ZBTB20: variants seen among roughly 807,000 people sequenced by gnomAD.
The protein encoded by ZBTB20 is zinc finger and BTB domain containing 20.
In ZBTB20, 9 loss-of-function variants were observed where a neutral mutation model predicts 56.9. The ratio of observed to expected loss-of-function variants is 0.16; its 90% CI spans 0.10 to 0.28. The LOEUF is 0.28. ZBTB20 is among the 10% of genes least tolerant of loss of function. The pLI is 1.00. For missense variants in ZBTB20, 655 were observed against 1,003.0 expected (o/e 0.65, Z 4.69); for synonymous variants, 417 against 420.7 (o/e 0.99, Z 0.11).
intron 5 of ZBTB20, among the ~76,000 whole-genome samples, chr3:114,748,569 C>T (rs915669976): frequency 4.6e-5 from 7 of 151,984 alleles, no homozygotes; most frequent in Admixed American, 4.6e-4. Flanking sequence ...TCAGTCCTTG[C>T]TCAAAGCAAA....
At chr3:115,114,299 T>C (rs1282612426) in intron 1 of ZBTB20, among the ~76,000 whole-genome samples, 5 of 152,038 alleles carry the variant, frequency 3.3e-5, no homozygotes, top group Non-Finnish European at 7.4e-5. Context: ...ATAATGGTTG[T>C]CATGGGTGCA....
At chr3:115,002,493 A>C (rs2108219639) in intron 2 of ZBTB20, among the ~76,000 whole-genome samples, 1 of 151,786 alleles carries the variant, frequency 6.6e-6, no homozygotes, top group South Asian at 2.1e-4. Context: ...AAAACTATTA[A>C]AACTCAAGAA....
At chr3:114,426,711 T>A (rs2089704786) in intron 7 of ZBTB20, among the ~76,000 whole-genome samples, 1 of 152,156 alleles carries the variant, frequency 6.6e-6, no homozygotes, top group Admixed American at 6.5e-5. Flanking sequence ...AACTTAAACC[T>A]CACTTATGCC....
intron 1 of ZBTB20, among the ~76,000 whole-genome samples, chr3:115,104,481 A>C (rs1240553156): frequency 6.6e-6 from 1 of 152,238 alleles, no homozygotes; most frequent in African/African-American, 2.4e-5. Flanking sequence ...ATTATGGTAC[A>C]TCCAGGCAGT....
intron 6 of ZBTB20, among the ~76,000 whole-genome samples, chr3:114,673,150 A>G (rs949558416): frequency 2.6e-5 from 4 of 152,144 alleles, no homozygotes; most frequent in African/African-American, 9.7e-5. Flanking sequence ...CCAAAGCACC[A>G]AAGTAAGGAC....
At chr3:115,095,260 C>A (rs1254694286) in intron 1 of ZBTB20, among the ~76,000 whole-genome samples, 1 of 152,100 alleles carries the variant, frequency 6.6e-6, no homozygotes, top group Admixed American at 6.6e-5. Context: ...TGTTCCTTGT[C>A]TCAGTATTCT....
chr3:114,639,584 A>AT (rs1228734678), intron 6 of ZBTB20, among the ~76,000 whole-genome samples: 2 of 151,850 alleles, frequency 1.3e-5, no homozygotes, highest in African/African-American at 4.8e-5. Flanking sequence ...GCAAACTGAC[A>AT]TTTTTTTAGG....
intron 5 of ZBTB20, among the ~76,000 whole-genome samples, chr3:114,772,407 T>A (rs185613966): frequency 2.7e-4 from 41 of 152,098 alleles, no homozygotes; most frequent in African/African-American, 9.7e-4. Flanking sequence ...CTGGGCTTAC[T>A]TCCTTTTCCC....
At position 114,380,285 on chromosome 3, in the gene ZBTB20, G is replaced by A. The variant is rs2084162451; in HGVS notation, c.131C>T (p.Pro44Leu). 2.6e-6 allele frequency: 4 copies of A among 1,537,124 alleles called. No homozygotes were observed. The highest frequency in any genetic ancestry group is 2.0e-5 in the Admixed American group (1 of 50,994). Reference protein sequence around the residue: ...PCLNFEAVLSPDPALIHSTHS... With the variant: ...PCLNFEAVLSLDPALIHSTHS... ...TGTTGAGTGGATGAGGGCTGGGTCT[G>A]GAGACAAAACAGCTTCAAAGTTCAG... The change falls in exon 10 of 12, where the codon CCA (proline) becomes CTA (leucine). Residue 44 changes from proline to leucine, a missense_variant. By Grantham distance (98) the Pro-to-Leu change is moderately conservative (BLOSUM62 -3). Around this residue, in one of 10 missense-constraint regions of ZBTB20, gnomAD observed 79 missense variants for 78.4 expected, o/e 1.01. Transcript: ENST00000675478.
At chr3:114,722,831 A>G (rs78788304) in intron 5 of ZBTB20, among the ~76,000 whole-genome samples, 1 of 152,294 alleles carries the variant, frequency 6.6e-6, no homozygotes, top group African/African-American at 2.4e-5. Flanking sequence ...ATTTCTTCCA[A>G]TCAAACAGGT....
intron 7 of ZBTB20, among the ~76,000 whole-genome samples, chr3:114,446,216 T>C (rs201661439): frequency 6.6e-6 from 1 of 152,132 alleles, no homozygotes; most frequent in African/African-American, 2.4e-5. Flanking sequence ...TATATAGTTG[T>C]TTATTTTCAT....
intron 6 of ZBTB20, among the ~76,000 whole-genome samples, chr3:114,540,373 G>A (rs2048977894): frequency 6.6e-6 from 1 of 152,064 alleles, no homozygotes; most frequent in Admixed American, 6.6e-5. Flanking sequence ...GCAGAAAGGT[G>A]GAAAAATCAG....
chr3:114,661,317 C>T (rs2060709822), intron 6 of ZBTB20, among the ~76,000 whole-genome samples: 1 of 152,096 alleles, frequency 6.6e-6, no homozygotes, highest in African/African-American at 2.4e-5. Flanking sequence ...AACGTACCTT[C>T]TTGCTATCTT....
intron 5 of ZBTB20, among the ~76,000 whole-genome samples, chr3:114,726,389 A>C (rs2065283042): frequency 6.6e-6 from 1 of 152,202 alleles, no homozygotes; most frequent in Non-Finnish European, 1.5e-5. Context: ...TAGAATTTTT[A>C]ATTGTCAAAA....
chr3:114,563,308 G>C (rs187229591), intron 6 of ZBTB20, among the ~76,000 whole-genome samples: 1 of 152,276 alleles, frequency 6.6e-6, no homozygotes, highest in Admixed American at 6.5e-5. Context: ...CCTTGGGCCA[G>C]TTTGAACCGA....
At chr3:114,536,181 T>C (rs1393438269) in intron 6 of ZBTB20, among the ~76,000 whole-genome samples, 4 of 152,176 alleles carry the variant, frequency 2.6e-5, no homozygotes, top group African/African-American at 9.7e-5. Flanking sequence ...TAAAGGGTAT[T>C]CAAATAGGAA....
intron 4 of ZBTB20, among the ~76,000 whole-genome samples, chr3:114,859,291 C>A (rs1362138098): frequency 6.8e-6 from 1 of 147,186 alleles, no homozygotes; most frequent in African/African-American, 2.5e-5. Context: ...TTCCTTTCTT[C>A]CTTCCTTCTT....
At chr3:114,643,562 T>C (rs139610026) in intron 6 of ZBTB20, among the ~76,000 whole-genome samples, 1 of 152,206 alleles carries the variant, frequency 6.6e-6, no homozygotes, top group East Asian at 1.9e-4. Context: ...TGGCTAATCT[T>C]TGGTTACTCA....
At chr3:114,484,688 T>C (rs2041913552) in intron 7 of ZBTB20, among the ~76,000 whole-genome samples, 1 of 152,200 alleles carries the variant, frequency 6.6e-6, no homozygotes, top group African/African-American at 2.4e-5. Flanking sequence ...CAGCAAATGT[T>C]GTGGGAGCCA....
Sources: allele counts gnomAD v4.1 joint callset (sites outside exome capture counted in the v4.1 genomes callset), GRCh38; gene constraint gnomAD v4.1.1; regional missense constraint gnomAD v4.1.1; transcripts MANE v1.5; gene names NCBI Gene and HGNC (gene_info 2026-07-23, HGNC 2026-07-21).